The following AGO1 variants were observed in gnomAD, a reference collection of about 807,000 sequenced individuals.
AGO1 encodes argonaute RISC component 1, also known as protein argonaute-1.
In AGO1, 11 loss-of-function variants were observed where a neutral mutation model predicts 109.2. The observed-to-expected ratio is 0.10, with a 90% CI of 0.06 to 0.17. The LOEUF is 0.17. AGO1 is among the 10% of genes least tolerant of loss of function. AGO1 has a pLI of 1.00. For synonymous variants in AGO1, 422 were observed against 418.6 expected (o/e 1.01, Z -0.10); for missense variants, 574 against 1,140.3 (o/e 0.50, Z 7.15).
At chr1:35,917,448 A>G (rs929419902) in intron 15 of AGO1, 145 bp from the exon 16 acceptor site, 4 of 919,750 alleles carry the variant, frequency 4.3e-6, no homozygotes, top group South Asian at 2.2e-5. Flanking sequence ...AGGGCCTGTC[A>G]TCTCTAATTG....
At chr1:35,886,410 G>A (rs1351129514) in intron 1 of AGO1, among the ~76,000 whole-genome samples, 4 of 152,168 alleles carry the variant, frequency 2.6e-5, no homozygotes, top group Non-Finnish European at 4.4e-5. Flanking sequence ...AAGTGGGGGT[G>A]TGGGCTCCCC....
At chr1:35,884,237 T>A (rs1040162048) in intron 1 of AGO1, among the ~76,000 whole-genome samples, 1 of 152,150 alleles carries the variant, frequency 6.6e-6, no homozygotes, top group Non-Finnish European at 1.5e-5. Flanking sequence ...CACAGTTTGC[T>A]AAGAATGGGT....
chr1:35,900,984 T>C (rs1037820053), intron 8 of AGO1, among the ~76,000 whole-genome samples: 4 of 138,344 alleles, frequency 2.9e-5, no homozygotes, highest in African/African-American at 8.0e-5. Flanking sequence ...TGAATTGCCC[T>C]TTTTTTTTTT....
intron 1 of AGO1, among the ~76,000 whole-genome samples, chr1:35,885,725 T>G (rs985048772): frequency 6.6e-6 from 1 of 152,272 alleles, no homozygotes; most frequent in African/African-American, 2.4e-5. Flanking sequence ...GCACATACAG[T>G]GGACTGGGTG....
chr1:35,878,584 G>A (rs1432250020), upstream of AGO1, among the ~76,000 whole-genome samples: 7 of 152,096 alleles, frequency 4.6e-5, no homozygotes, highest in Non-Finnish European at 8.8e-5. Context: ...CTCATCCTCA[G>A]AACTTGGAGG....
chr1:35,902,748 G>C (rs1645442624), intron 11 of AGO1, among the ~76,000 whole-genome samples: 1 of 152,176 alleles, frequency 6.6e-6, no homozygotes. Flanking sequence ...GCTCAAAAGA[G>C]GTTAAGTAAC....
Position 35,920,463 on chromosome 1 carries a change from G to A in AGO1, c.*856G>A, listed in dbSNP as rs564719281. The A allele has an allele frequency of 1.3e-3, 197 of 152,570 alleles. 1 individual carries two copies. The highest frequency in any genetic ancestry group is 1.9e-3 in the Non-Finnish European group (127 of 68,012). The allele number at this position is 152,570 out of a possible 1,614,324, so 9.5% of individuals were successfully genotyped here. On this transcript the variant is annotated 3_prime_UTR_variant, in exon 19 of 19. Coordinates refer to ENST00000373204, the MANE Select transcript of AGO1 (RefSeq NM_012199.5). ...GAATGGGGTGGGGGTGGGAGAGGAG[G>A]TAGATGGGGAAGAAATACCCCAGAC... is the stretch of plus-strand genomic sequence containing the variant.
intron 1 of AGO1, among the ~76,000 whole-genome samples, chr1:35,878,059 C>T (rs528744568): frequency 6.6e-6 from 1 of 150,976 alleles, no homozygotes; most frequent in Non-Finnish European, 1.5e-5. Context: ...ATTAATTTCA[C>T]CTGTTTCCTT....
At chr1:35,913,018 CTT>C (rs879356923) in intron 12 of AGO1, among the ~76,000 whole-genome samples, 1 of 145,712 alleles carries the variant, frequency 6.9e-6, no homozygotes. Flanking sequence ...ACTCACCCAT[CTT>C]TTTTTTTTTT....
At chr1:35,891,904 G>T (rs749616349) in intron 2 of AGO1, among the ~76,000 whole-genome samples, 7 of 151,588 alleles carry the variant, frequency 4.6e-5, no homozygotes, top group Non-Finnish European at 8.8e-5. Context: ...TTGAGACAGG[G>T]TCTCGCTGTG....
Position 35,914,253 on chromosome 1 carries a change from G to C in AGO1, c.1812G>C (p.Gly604=), listed in dbSNP as rs1270050276. The C allele has an allele frequency of 6.2e-7, 1 of 1,614,002 alleles. No homozygotes were observed. Among genetic ancestry groups the C allele is most frequent in the Non-Finnish European group, 8.5e-7 (1 of 1,179,920 alleles). ...ADVTHPPAGD[G]KKPSITAVVG... is the part of the protein sequence containing the mutation. The stretch of plus-strand genomic sequence containing the variant: ...TTACACACCCCCCAGCAGGGGATGG[G>C]AAAAAACCTTCTATCACAGCAGTGA... The change falls in exon 14 of 19, where the codon GGG becomes GGC. Residue 604 remains glycine (G), a synonymous_variant. Transcript: ENST00000373204.
intron 12 of AGO1, among the ~76,000 whole-genome samples, chr1:35,908,243 A>G (rs182489599): frequency 1.6e-4 from 24 of 152,272 alleles, no homozygotes; most frequent in African/African-American, 4.6e-4. Flanking sequence ...AGGATTGCCA[A>G]TGACTTTTCT....
At chr1:35,876,974 G>A (rs953613521) in intron 1 of AGO1, among the ~76,000 whole-genome samples, 4 of 152,188 alleles carry the variant, frequency 2.6e-5, no homozygotes, top group African/African-American at 9.7e-5. Flanking sequence ...TTTTTGTAGA[G>A]AGGGGATCTT....
chr1:35,898,297 C>A (rs1645355857), intron 8 of AGO1, among the ~76,000 whole-genome samples: 1 of 150,660 alleles, frequency 6.6e-6, no homozygotes, highest in Non-Finnish European at 1.5e-5. Context: ...CGCTCTGTTA[C>A]CCAGGCTGGA....
upstream of AGO1, among the ~76,000 whole-genome samples, chr1:35,881,614 G>A (rs1275661185): frequency 1.2e-4 from 18 of 152,216 alleles, no homozygotes; most frequent in South Asian, 2.1e-4. Flanking sequence ...GAGCCACTGC[G>A]CCCAGCCACC....
At chr1:35,902,434 GT>G in intron 11 of AGO1, 97 bp downstream of exon 11, 1 of 1,473,840 alleles carries the variant, frequency 6.8e-7, no homozygotes. Flanking sequence ...TCAGTAATGT[GT>G]TCTGTCTTGA....
chr1:35,925,464 T>TATA lies in AGO1; in HGVS notation c.*5859_*5860insAAT, dbSNP rs1263195438. On this transcript the variant is annotated 3_prime_UTR_variant, in exon 19 of 19. Transcript: ENST00000373204. ...CTAGATAATAGTAGCATACTATATTTATTTCCATAATTTGTCTTCTTTAGA... is the reference window on the plus strand; with the variant it reads ...CTAGATAATAGTAGCATACTATATTTATAATTTCCATAATTTGTCTTCTTTAGA... 2.7e-5 allele frequency: 4 copies of TATA among 149,822 alleles called. No individual in the cohort carries two copies. The East Asian group carries it at 7.8e-4, about 29-fold the overall frequency. 9.3% of individuals were successfully genotyped at this position (149,822 alleles called of 1,614,324 possible).
At position 35,906,819 on chromosome 1, in the gene AGO1, A is replaced by C. The variant is rs561975502; in HGVS notation, c.1398-116A>C. The C allele has an allele frequency of 1.7e-3, 1,536 of 928,178 alleles. 14 individuals are homozygous for C. The African/African-American group carries it at 0.022, about 13-fold the overall frequency. The allele number at this position is 928,178 out of a possible 1,614,324, so 57.5% of individuals were successfully genotyped here. A position where few individuals can be genotyped will look rare whatever the true frequency, so the allele number is the denominator to read the frequency against. ...CACCCTGTCTCAAGGAAAAAAAAAA[A>C]AAAAAACCAATCTCTCAGTGCCTCT... is the stretch of plus-strand genomic sequence containing the variant. On this transcript the variant is annotated intron_variant, in intron 11 of 18. Coordinates refer to ENST00000373204, the MANE Select transcript of AGO1 (RefSeq NM_012199.5).
At position 35,915,420 on chromosome 1, in the gene AGO1, A is replaced by G. The variant is rs548570122; in HGVS notation, c.1906A>G (p.Ile636Val). ...TVRVQRPRQE[I>V]IEDLSYMVRE... Reference sequence around the variant, plus strand: ...GCGGGTACAGCGACCACGGCAAGAGATCATTGAAGACTTGTCCTACATGGT... The same window carrying G: ...GCGGGTACAGCGACCACGGCAAGAGGTCATTGAAGACTTGTCCTACATGGT... Residue 636 changes from isoleucine (I) to valine (V), a missense_variant, in exon 15 of 19, where the codon ATC becomes GTC. Ile to Val is a conservative substitution (Grantham distance 29). This residue lies in a region of AGO1 where 45 missense variants were observed against 61.3 expected (regional missense o/e 0.73). Transcript: ENST00000373204. The G allele has an allele frequency of 6.2e-7, 1 of 1,614,088 alleles. No individual in the cohort carries two copies. The highest frequency in any genetic ancestry group is 1.1e-5 in the South Asian group (1 of 91,080).
Sources: gnomAD v4.1 joint callset for allele counts (sites outside exome capture counted in the v4.1 genomes callset) on GRCh38, gnomAD v4.1.1 for gene constraint, gnomAD v4.1.1 regional missense constraint, MANE v1.5 for transcripts, NCBI Gene and HGNC (gene_info 2026-07-23, HGNC 2026-07-21) for gene names.